The following NR6A1 variants were observed in gnomAD, a reference collection of about 807,000 sequenced individuals.
NR6A1 encodes the protein nuclear receptor subfamily 6 group A member 1, also known as retinoic acid receptor-related testis-associated receptor.
Under a neutral mutation model 59.1 loss-of-function variants are expected in NR6A1, and 7 were observed. The observed-to-expected ratio is 0.12, with a 90% confidence interval of 0.07 to 0.22. The LOEUF (loss-of-function observed/expected upper bound fraction) is 0.22, where lower values mean the gene tolerates loss of function less well. Among genes scored for constraint, NR6A1 ranks in the 10% least tolerant of loss-of-function variants. NR6A1 has a pLI of 1.00. For synonymous variants in NR6A1, 243 were observed against 236.1 expected, an observed-to-expected ratio of 1.03 and a Z score of -0.27; for missense variants, 468 against 611.6, an observed-to-expected ratio of 0.77 and a Z score of 2.48.
intron 1 of NR6A1, among the ~76,000 whole-genome samples, chr9:124,745,579 G>A (rs1360885775): frequency 1.3e-5 from 2 of 151,776 alleles, no homozygotes; most frequent in African/African-American, 4.8e-5. Context: ...GCTGAGGCAG[G>A]AGAATCGCTT....
intron 2 of NR6A1, chr9:124,599,295 T>A (rs545816422): frequency 1.1e-4 from 41 of 381,964 alleles, no homozygotes; most frequent in Admixed American, 3.8e-4. Context: ...ATACAAAAAA[T>A]AGCTGGGCGT....
chr9:124,538,318 T>C lies in NR6A1; in HGVS notation c.598A>G (p.Arg200Gly). The C allele has an allele frequency of 6.2e-7, 1 of 1,611,534 alleles. No individual in the cohort carries two copies. The highest frequency in any genetic ancestry group is 8.5e-7 in the Non-Finnish European group (1 of 1,178,058). ...PSPGSTLSSSRSVELNGFMAF... is the reference protein window; with the variant it reads ...PSPGSTLSSSGSVELNGFMAF... ...ATGAATCCATTCAGTTCCACAGACC[T>C]ACTGGAGAGAAAAGTCTTGCGTCAA... is the stretch of plus-strand genomic sequence containing the variant. Residue 200 changes from arginine (R) to glycine (G), a missense_variant and splice_region_variant, in exon 6 of 10, where the codon AGG becomes GGG. Arg to Gly is a moderately radical substitution (Grantham distance 125). Transcript: ENST00000487099.
chr9:124,525,916 A>G (rs1832921617), intron 8 of NR6A1, among the ~76,000 whole-genome samples: 1 of 152,150 alleles, frequency 6.6e-6, no homozygotes, highest in Non-Finnish European at 1.5e-5. Context: ...AAGTTTTCTC[A>G]ATGTCTTTAA....
chr9:124,712,944 T>C (rs1839319480), intron 2 of NR6A1, among the ~76,000 whole-genome samples: 1 of 152,158 alleles, frequency 6.6e-6, no homozygotes, highest in South Asian at 2.1e-4. Context: ...CTTAGCAAAC[T>C]AGCAACAGCA....
At chr9:124,720,126 C>T (rs774793162) in intron 2 of NR6A1, among the ~76,000 whole-genome samples, 20 of 152,042 alleles carry the variant, frequency 1.3e-4, no homozygotes, top group Admixed American at 9.8e-4. Context: ...CAGCTCACTG[C>T]GGCCTCCACC....
intron 3 of NR6A1, among the ~76,000 whole-genome samples, chr9:124,548,503 A>T (rs1588657205): frequency 6.7e-6 from 1 of 149,598 alleles, no homozygotes; most frequent in Non-Finnish European, 1.5e-5. Flanking sequence ...AATAAAATGT[A>T]AAAAAAAAAG....
intron 2 of NR6A1, among the ~76,000 whole-genome samples, chr9:124,586,595 G>A (rs982497707): frequency 2.6e-5 from 4 of 152,088 alleles, no homozygotes; most frequent in South Asian, 2.1e-4. Context: ...ACAGGCATGC[G>A]CCACCATGCC....
intron 2 of NR6A1, among the ~76,000 whole-genome samples, chr9:124,724,617 G>C (rs10986410): frequency 6.6e-6 from 1 of 151,938 alleles, no homozygotes; most frequent in African/African-American, 2.4e-5. Flanking sequence ...TTTACTCTCA[G>C]TGTAATTACT....
chr9:124,575,416 GACAA>G (rs1221972582), intron 2 of NR6A1, among the ~76,000 whole-genome samples: 1 of 151,812 alleles, frequency 6.6e-6, no homozygotes, highest in African/African-American at 2.4e-5. Flanking sequence ...TCTACTAAAA[GACAA>G]ACAATTAGCT....
intron 4 of NR6A1, among the ~76,000 whole-genome samples, chr9:124,540,676 G>A (rs555509950): frequency 7.9e-5 from 12 of 152,232 alleles, no homozygotes; most frequent in Non-Finnish European, 1.6e-4. Context: ...GTGCATGCCT[G>A]TAGTCCTACC....
At chr9:124,743,919 T>C (rs1184218197) in intron 1 of NR6A1, among the ~76,000 whole-genome samples, 1 of 152,186 alleles carries the variant, frequency 6.6e-6, no homozygotes, top group African/African-American at 2.4e-5. Context: ...AATCCTTCAT[T>C]TGTCTTGGAG....
At chr9:124,636,762 TCC>T (rs1836622184) in intron 2 of NR6A1, among the ~76,000 whole-genome samples, 1 of 152,174 alleles carries the variant, frequency 6.6e-6, no homozygotes, top group South Asian at 2.1e-4. Context: ...GTCTATTCGG[TCC>T]TACTGATCTA....
chr9:124,676,617 A>G (rs916360066), intron 2 of NR6A1, among the ~76,000 whole-genome samples: 2 of 152,230 alleles, frequency 1.3e-5, no homozygotes, highest in Non-Finnish European at 1.5e-5. Context: ...AAAGACTTCT[A>G]AAACAGTAGA....
chr9:124,543,148 C>T (rs1833498896), intron 4 of NR6A1, among the ~76,000 whole-genome samples: 1 of 152,174 alleles, frequency 6.6e-6, no homozygotes, highest in Admixed American at 6.5e-5. Flanking sequence ...GAACAAACTC[C>T]TTGTCATAAA....
chr9:124,563,900 A>AC (rs1324441969), intron 2 of NR6A1, among the ~76,000 whole-genome samples: 1 of 151,958 alleles, frequency 6.6e-6, no homozygotes, highest in African/African-American at 2.4e-5. Flanking sequence ...ACATAGCAAG[A>AC]CCCCATCCCT....
At chr9:124,599,260 T>C (rs1206173895) in intron 2 of NR6A1, 1 of 422,112 alleles carries the variant, frequency 2.4e-6, no homozygotes, top group Non-Finnish European at 4.4e-6. Flanking sequence ...CTCGTCAACA[T>C]GGTGAAACCC....
At position 124,518,770 on chromosome 9, in the gene NR6A1, T is replaced by G. The variant is rs1832740109; in HGVS notation, c.*3935A>C. On this transcript the variant is annotated 3_prime_UTR_variant, in exon 10 of 10. Transcript: ENST00000487099. ...TTTGTTTTTTGGGTTTTTTTTTTTT[T>G]TACTTTAAAAAAATCAATTAAAAAT... 1 of 151,170 alleles carries G rather than the reference T, an allele frequency of 6.6e-6. No individual in the cohort carries two copies. Among genetic ancestry groups the G allele is most frequent in the Non-Finnish European group, 1.5e-5 (1 of 67,856 alleles). The allele number at this position is 151,170 out of a possible 1,614,324, so 9.4% of individuals were successfully genotyped here.
chr9:124,620,109 A>T (rs1165972761), intron 2 of NR6A1, among the ~76,000 whole-genome samples: 1 of 152,160 alleles, frequency 6.6e-6, no homozygotes, highest in Non-Finnish European at 1.5e-5. Context: ...TTATATACAT[A>T]TATAAATATA....
intron 2 of NR6A1, among the ~76,000 whole-genome samples, chr9:124,691,059 A>C (rs1217593792): frequency 1.3e-5 from 2 of 152,224 alleles, no homozygotes; most frequent in African/African-American, 4.8e-5. Flanking sequence ...CTAAATATTT[A>C]TCCAAATAGT....
Sources: allele counts gnomAD v4.1 joint callset (sites outside exome capture counted in the v4.1 genomes callset), GRCh38; gene constraint gnomAD v4.1.1; transcripts MANE v1.5; gene names NCBI Gene and HGNC (gene_info 2026-07-23, HGNC 2026-07-21).